RNF216: variants seen among roughly 807,000 people sequenced by gnomAD.
The protein encoded by RNF216 is ring finger protein 216, also known as E3 ubiquitin-protein ligase RNF216.
RNF216 carries 72 observed loss-of-function variants against 110.8 expected under a neutral mutation model. That is an observed-to-expected ratio of 0.65 (90% confidence interval 0.54 to 0.79). RNF216 has a LOEUF of 0.79. Among genes scored for constraint, RNF216 ranks in the 30% least tolerant of loss-of-function variants. The probability of loss-of-function intolerance (pLI) is 0.00; values close to 1 mark genes in which losing one functional copy is unlikely to be tolerated. For synonymous variants in RNF216, 495 were observed against 407.5 expected, an observed-to-expected ratio of 1.21 and a Z score of -2.59; for missense variants, 1,342 against 1,141.2, an observed-to-expected ratio of 1.18 and a Z score of -2.54.
At chr7:5,729,159 A>C (rs1448876800) in intron 7 of RNF216, among the ~76,000 whole-genome samples, 5 of 152,194 alleles carry the variant, frequency 3.3e-5, no homozygotes, top group Non-Finnish European at 7.3e-5. Flanking sequence ...CAGCATTAGA[A>C]TGCATCTTTC....
intron 1 of RNF216, among the ~76,000 whole-genome samples, chr7:5,779,295 G>C (rs909246067): frequency 9.9e-5 from 15 of 151,970 alleles, no homozygotes; most frequent in Admixed American, 9.2e-4. Context: ...TCTTTTATTA[G>C]CTGCTGCTGC....
intron 13 of RNF216, among the ~76,000 whole-genome samples, chr7:5,684,759 T>G (rs925082999): frequency 6.6e-6 from 1 of 152,176 alleles, no homozygotes; most frequent in African/African-American, 2.4e-5. Flanking sequence ...ACCTCACATA[T>G]AGTTAGGAAA....
At chr7:5,651,698 G>C (rs1018050039) in intron 14 of RNF216, among the ~76,000 whole-genome samples, 1 of 151,518 alleles carries the variant, frequency 6.6e-6, no homozygotes, top group Non-Finnish European at 1.5e-5. Flanking sequence ...TGGCAGGCTG[G>C]AGTGCACTGG....
chr7:5,645,236 G>A (rs1212018854), intron 14 of RNF216, among the ~76,000 whole-genome samples: 1 of 151,956 alleles, frequency 6.6e-6, no homozygotes, highest in Non-Finnish European at 1.5e-5. Flanking sequence ...CATCCTACTT[G>A]GAATTCATTC....
At chr7:5,725,033 T>C (rs1489388861) in intron 8 of RNF216, among the ~76,000 whole-genome samples, 1 of 152,216 alleles carries the variant, frequency 6.6e-6, no homozygotes, top group Non-Finnish European at 1.5e-5. Context: ...AGACCAGTTT[T>C]TCCCCCCAAG....
At chr7:5,737,613 C>T (rs1000546204) in intron 5 of RNF216, among the ~76,000 whole-genome samples, 3 of 152,096 alleles carry the variant, frequency 2.0e-5, no homozygotes, top group Non-Finnish European at 4.4e-5. Context: ...GACAAGGCCA[C>T]TAATGGCTCC....
chr7:5,760,514 C>G, intron 2 of RNF216: 1 of 280,466 alleles, frequency 3.6e-6, no homozygotes, highest in Admixed American at 4.7e-5. Context: ...AATTCCATCT[C>G]AAAAAAAGAA....
intron 13 of RNF216, among the ~76,000 whole-genome samples, chr7:5,674,922 G>C (rs1395202331): frequency 1.3e-5 from 2 of 150,060 alleles, no homozygotes; most frequent in African/African-American, 2.5e-5. Flanking sequence ...GCTTGAACCA[G>C]GGAGGTGGAG....
chr7:5,706,874 T>C (rs1231397986), intron 13 of RNF216, among the ~76,000 whole-genome samples: 2 of 152,162 alleles, frequency 1.3e-5, no homozygotes, highest in Non-Finnish European at 2.9e-5. Context: ...TCCACCTACG[T>C]TTTCTTCTAG....
At chr7:5,734,502 A>G (rs994813631) in intron 5 of RNF216, among the ~76,000 whole-genome samples, 5 of 152,120 alleles carry the variant, frequency 3.3e-5, no homozygotes, top group African/African-American at 1.2e-4. Context: ...TTCTTTATGT[A>G]TATTATATTC....
At chr7:5,682,377 A>G (rs1407814635) in intron 13 of RNF216, among the ~76,000 whole-genome samples, 1 of 151,988 alleles carries the variant, frequency 6.6e-6, no homozygotes, top group Non-Finnish European at 1.5e-5. Context: ...TCTCTGGCCT[A>G]AAGGAGAGAT....
intron 9 of RNF216, among the ~76,000 whole-genome samples, chr7:5,718,917 C>G (rs1793237823): frequency 6.6e-6 from 1 of 152,052 alleles, no homozygotes; most frequent in South Asian, 2.1e-4. Flanking sequence ...CTTGGCCTCC[C>G]AAAGTGCTGG....
At chr7:5,737,498 A>G (rs1794490324) in intron 5 of RNF216, among the ~76,000 whole-genome samples, 1 of 147,778 alleles carries the variant, frequency 6.8e-6, no homozygotes, top group Admixed American at 7.0e-5. Context: ...CCTCTGCGAG[A>G]AACAACCAAG....
intron 4 of RNF216, 73 bp downstream of exon 4, chr7:5,740,900 T>C: frequency 7.0e-7 from 1 of 1,429,740 alleles, no homozygotes; most frequent in Non-Finnish European, 9.3e-7. Flanking sequence ...CTTTTTTTTT[T>C]GCAATGAAAA....
chr7:5,671,805 CAAAAA>C (rs11319565), intron 13 of RNF216, among the ~76,000 whole-genome samples: 4 of 54,242 alleles, frequency 7.4e-5, no homozygotes, highest in African/African-American at 3.2e-4. Flanking sequence ...AACTCCGTCT[CAAAAA>C]AAAAAAAAAA....
chr7:5,675,505 A>G (rs1790224885), intron 13 of RNF216, among the ~76,000 whole-genome samples: 1 of 152,088 alleles, frequency 6.6e-6, no homozygotes, highest in South Asian at 2.1e-4. Flanking sequence ...AGCTGAGTGT[A>G]GTGGTGCCCA....
intron 8 of RNF216, among the ~76,000 whole-genome samples, chr7:5,723,560 T>C (rs1233428019): frequency 1.3e-5 from 2 of 151,576 alleles, no homozygotes; most frequent in African/African-American, 4.8e-5. Flanking sequence ...GGTAGGAGAA[T>C]GGCGTGAACC....
Position 5,677,497 on chromosome 7 carries a change from G to A in RNF216, c.2062-24987C>T, listed in dbSNP as rs907717614. Among the ~76,000 whole-genome samples the A allele has an allele frequency of 3.3e-5, 5 of 152,304 alleles. No individual in the cohort carries two copies. The East Asian group carries it at 5.8e-4, about 18-fold the overall frequency. On this transcript the variant is annotated intron_variant, in intron 13 of 16. Transcript: ENST00000389902. ...TGAAATAAAAGATCCAAGCCATATC[G>A]AAAGGCCACTTATATGGCTTCTGGT...
chr7:5,658,938 T>C (rs1345829952), intron 13 of RNF216, among the ~76,000 whole-genome samples: 1 of 151,852 alleles, frequency 6.6e-6, no homozygotes, highest in Non-Finnish European at 1.5e-5. Flanking sequence ...TGTGTCGGAG[T>C]TATGTTTCAG....
Sources: gnomAD v4.1 joint callset for allele counts (sites outside exome capture counted in the v4.1 genomes callset) on GRCh38, gnomAD v4.1.1 for gene constraint, MANE v1.5 for transcripts, NCBI Gene and HGNC (gene_info 2026-07-23, HGNC 2026-07-21) for gene names.